C4BPA: variants seen among roughly 807,000 people sequenced by gnomAD.
C4BPA encodes C4b-binding protein alpha chain.
Under a neutral mutation model 63.7 loss-of-function variants are expected in C4BPA, and 31 were observed. The observed-to-expected ratio is 0.49, with a 90% CI of 0.37 to 0.66. The LOEUF (loss-of-function observed/expected upper bound fraction) is 0.66. C4BPA is among the 30% of genes least tolerant of loss of function. C4BPA has a pLI of 0.00. For synonymous variants in C4BPA, 259 were observed against 254.7 expected (o/e 1.02, Z -0.16); for missense variants, 572 against 723.3 (o/e 0.79, Z 2.40).
intron 6 of C4BPA, among the ~76,000 whole-genome samples, chr1:207,126,228 AT>A (rs1685040473): frequency 6.7e-6 from 1 of 149,214 alleles, no homozygotes; most frequent in Non-Finnish European, 1.5e-5. Flanking sequence ...TATATATTTT[AT>A]ATATATACAC....
chr1:207,110,922 A>G (rs1684654332), intron 1 of C4BPA, among the ~76,000 whole-genome samples: 1 of 140,810 alleles, frequency 7.1e-6, no homozygotes, highest in Non-Finnish European at 1.5e-5. Flanking sequence ...TTTCATAGTC[A>G]ATTCTATTTT....
intron 4 of C4BPA, among the ~76,000 whole-genome samples, chr1:207,122,165 T>C (rs1311067107): frequency 1.3e-5 from 2 of 152,220 alleles, no homozygotes; most frequent in Non-Finnish European, 2.9e-5. Context: ...AAGTTGCCAT[T>C]GTCATCTCTT....
chr1:207,141,137 G>T lies in C4BPA; in HGVS notation c.1305G>T (p.Gly435=). The change falls in exon 10 of 12, where the codon GGG becomes GGT. Residue 435 remains glycine, a synonymous_variant. Coordinates refer to ENST00000367070, the MANE Select transcript of C4BPA (RefSeq NM_000715.4). ...ICNFPPKIAH[G]HYKQSSSYSF... ...ATTTTCCTCCTAAAATTGCCCATGG[G>T]CATTATAAACAATCTAGTTCATACA... 1 of 1,611,840 alleles carries T rather than the reference G, an allele frequency of 6.2e-7. No individual in the cohort carries two copies. Among genetic ancestry groups the T allele is most frequent in the Non-Finnish European group, 8.5e-7 (1 of 1,179,124 alleles).
intron 1 of C4BPA, among the ~76,000 whole-genome samples, chr1:207,107,157 TGAATAGTGAGTAAAG>T (rs1413286020): frequency 6.6e-6 from 1 of 152,198 alleles, no homozygotes; most frequent in Non-Finnish European, 1.5e-5. Context: ...ACATTTGATC[TGAATAGTGAGTAAAG>T]GAATAGTGAG....
chr1:207,122,120 A>G (rs1684933807), intron 4 of C4BPA, among the ~76,000 whole-genome samples: 1 of 152,172 alleles, frequency 6.6e-6, no homozygotes, highest in South Asian at 2.1e-4. Context: ...ATCTGCATGT[A>G]CAATGTTTGC....
intron 1 of C4BPA, among the ~76,000 whole-genome samples, chr1:207,112,718 C>G (rs1354841988): frequency 6.6e-6 from 1 of 152,190 alleles, no homozygotes; most frequent in Non-Finnish European, 1.5e-5. Context: ...TGCCCTGCAT[C>G]CATTCTGCAG....
chr1:207,105,333 G>A (rs139730668), intron 1 of C4BPA, among the ~76,000 whole-genome samples: 125 of 152,118 alleles, frequency 8.2e-4, no homozygotes, highest in African/African-American at 2.3e-3. Context: ...CGAGGCTGGC[G>A]GATCACCTGA....
At chr1:207,107,337 C>T (rs112447365) in intron 1 of C4BPA, among the ~76,000 whole-genome samples, 6,803 of 152,216 alleles carry the variant, frequency 0.045, 239 homozygotes, top group Non-Finnish European at 0.071. Context: ...CACTTGAGGC[C>T]AGGAGTTCAA....
At chr1:207,141,794 G>T (rs1203350291) in intron 10 of C4BPA, among the ~76,000 whole-genome samples, 1 of 152,134 alleles carries the variant, frequency 6.6e-6, no homozygotes, top group Non-Finnish European at 1.5e-5. Context: ...AGGAGGAGTT[G>T]AGATCAGGTC....
At chr1:207,129,854 T>G (rs534155099) in intron 7 of C4BPA, among the ~76,000 whole-genome samples, 3 of 152,278 alleles carry the variant, frequency 2.0e-5, no homozygotes, top group African/African-American at 7.2e-5. Context: ...GAGAGTTTAT[T>G]ATGTTAATCT....
At chr1:207,112,335 T>C (rs951477228) in intron 1 of C4BPA, among the ~76,000 whole-genome samples, 3 of 150,522 alleles carry the variant, frequency 2.0e-5, no homozygotes, top group African/African-American at 7.4e-5. Flanking sequence ...TATCCCATCA[T>C]TTTCCTGCCT....
At chr1:207,116,091 G>A (rs2842704) in intron 4 of C4BPA, among the ~76,000 whole-genome samples, 124,905 of 152,186 alleles carry the variant, frequency 0.82, 51,436 homozygotes, top group Admixed American at 0.87. Flanking sequence ...TTGAAAATTT[G>A]AAAGATATTG....
chr1:207,136,840 C>G (rs566670066), intron 9 of C4BPA, among the ~76,000 whole-genome samples: 136 of 152,276 alleles, frequency 8.9e-4, no homozygotes, highest in Non-Finnish European at 1.8e-3. Flanking sequence ...GTACCCTCCC[C>G]CTACTAGAGC....
intron 4 of C4BPA, among the ~76,000 whole-genome samples, chr1:207,118,165 GTC>G (rs1326931005): frequency 2.6e-5 from 2 of 77,082 alleles, no homozygotes; most frequent in Non-Finnish European, 5.7e-5. Flanking sequence ...CTGTCTGTCT[GTC>G]TATCTATCTA....
intron 10 of C4BPA, among the ~76,000 whole-genome samples, chr1:207,141,646 A>G (rs1685419242): frequency 6.6e-6 from 1 of 152,166 alleles, no homozygotes; most frequent in Non-Finnish European, 1.5e-5. Flanking sequence ...GTGAATTCTA[A>G]ATATCATGAG....
intron 4 of C4BPA, among the ~76,000 whole-genome samples, chr1:207,122,966 C>T (rs1684950814): frequency 1.3e-5 from 2 of 152,114 alleles, no homozygotes; most frequent in South Asian, 4.1e-4. Flanking sequence ...TTGCTTGTTA[C>T]CTATATCTAT....
At position 207,112,943 on chromosome 1, in the gene C4BPA, G is replaced by C. The variant is rs777994680; in HGVS notation, c.-25-58G>C. On this transcript the variant is annotated intron_variant, in intron 1 of 11. Coordinates refer to ENST00000367070, the MANE Select transcript of C4BPA (RefSeq NM_000715.4). ...CATGGATCCCATAACATTTATTCTA[G>C]TGCTTTATGACAAGTTGGAATTCAA... 51 of 1,447,112 alleles carry C rather than the reference G, an allele frequency of 3.5e-5. 1 individual carries two copies. The Admixed American group carries it at 1.0e-3, about 29-fold the overall frequency. The allele number at this position is 1,447,112 out of a possible 1,614,324, so 89.6% of individuals were successfully genotyped here.
chr1:207,120,502 C>A (rs1011287476), intron 4 of C4BPA, among the ~76,000 whole-genome samples: 1 of 152,098 alleles, frequency 6.6e-6, no homozygotes, highest in African/African-American at 2.4e-5. Context: ...CAGTGGCTCA[C>A]GCCTGTAATT....
chr1:207,135,917 G>A (rs1402430342), intron 9 of C4BPA, among the ~76,000 whole-genome samples: 1 of 152,152 alleles, frequency 6.6e-6, no homozygotes, highest in Non-Finnish European at 1.5e-5. Flanking sequence ...GTTGGATGTA[G>A]TGGATCCTAT....
Sources: allele counts gnomAD v4.1 joint callset (sites outside exome capture counted in the v4.1 genomes callset), GRCh38; gene constraint gnomAD v4.1.1; transcripts MANE v1.5; gene names NCBI Gene and HGNC (gene_info 2026-07-23, HGNC 2026-07-21).